Variants in PATJ observed in about 807,000 individuals in gnomAD.
PATJ encodes the protein PATJ crumbs cell polarity complex component.
Under a neutral mutation model 224.9 loss-of-function variants are expected in PATJ, and 190 were observed. That is an observed-to-expected ratio of 0.84 (90% confidence interval 0.75 to 0.95). The LOEUF is 0.95. PATJ is among the 40% of genes least tolerant of loss of function. The pLI is 0.00. For missense variants in PATJ, 2,121 were observed against 2,270.3 expected (o/e 0.93, Z 1.34); for synonymous variants, 769 against 820.3 (o/e 0.94, Z 1.07).
At chr1:62,099,148 C>T (rs527522847) in intron 33 of PATJ, among the ~76,000 whole-genome samples, 13 of 152,150 alleles carry the variant, frequency 8.5e-5, no homozygotes, top group South Asian at 8.3e-4. Flanking sequence ...CGTTGGTTTA[C>T]GGCTTTCCTG....
intron 27 of PATJ, chr1:61,952,160 T>C (rs2149388323): frequency 2.1e-6 from 1 of 471,308 alleles, no homozygotes; most frequent in East Asian, 3.0e-5. Flanking sequence ...CAGAGGTGAC[T>C]GTTTAGCTTG....
chr1:61,788,012 T>G (rs767781690), intron 8 of PATJ, 40 bp downstream of exon 8: 1 of 1,483,384 alleles, frequency 6.7e-7, no homozygotes, highest in Non-Finnish European at 9.4e-7. Context: ...AACCAAAGCC[T>G]GGGTGTGACA....
At chr1:61,778,695 C>T (rs1647071377) in intron 7 of PATJ, among the ~76,000 whole-genome samples, 1 of 151,274 alleles carries the variant, frequency 6.6e-6, no homozygotes, top group African/African-American at 2.4e-5. Flanking sequence ...CCCACTCTTA[C>T]TAATATATAT....
chr1:61,901,572 T>C, intron 24 of PATJ, 113 bp downstream of exon 24: 1 of 702,870 alleles, frequency 1.4e-6, no homozygotes, highest in Non-Finnish European at 2.3e-6. Flanking sequence ...GTACAGTTGG[T>C]GTGCTCTATT....
intron 27 of PATJ, among the ~76,000 whole-genome samples, chr1:61,934,978 C>G (rs1323462931): frequency 6.6e-6 from 1 of 152,212 alleles, no homozygotes; most frequent in Non-Finnish European, 1.5e-5. Context: ...TATCTAAAAG[C>G]TTCAGTCTCC....
intron 17 of PATJ, among the ~76,000 whole-genome samples, chr1:61,848,895 G>A (rs951508208): frequency 3.3e-5 from 5 of 152,152 alleles, no homozygotes; most frequent in East Asian, 1.9e-4. Flanking sequence ...GCTACCTGCT[G>A]TTTCATAGTT....
At chr1:61,793,463 G>C (rs1650324053) in intron 9 of PATJ, among the ~76,000 whole-genome samples, 1 of 152,150 alleles carries the variant, frequency 6.6e-6, no homozygotes, top group Non-Finnish European at 1.5e-5. Context: ...GCTGCGGACT[G>C]GGCTTGGTGG....
rs1447046380 is a variant in PATJ at position 61,901,277 on chromosome 1, T to C, written c.3204-5T>C. On this transcript the variant is annotated splice_polypyrimidine_tract_variant and splice_region_variant and intron_variant, in intron 23 of 43. Coordinates refer to ENST00000642238, the MANE Select transcript of PATJ (RefSeq NM_001350145.3). ...GAGTGAGTTTTGTTTTTTTCCTTTA[T>C]ATAGTGTTGAGATTTTTAGAGAACC... 1.3e-6 allele frequency: 2 copies of C among 1,514,102 alleles called. No individual in the cohort carries two copies. The highest frequency in any genetic ancestry group is 1.8e-6 in the Non-Finnish European group (2 of 1,140,058). The allele number at this position is 1,514,102 out of a possible 1,614,324, so 93.8% of individuals were successfully genotyped here.
intron 27 of PATJ, among the ~76,000 whole-genome samples, chr1:61,939,317 T>A (rs933518345): frequency 2.1e-5 from 3 of 142,484 alleles, no homozygotes; most frequent in Non-Finnish European, 4.5e-5. Context: ...AACTTTGCAT[T>A]CACACACACA....
intron 33 of PATJ, among the ~76,000 whole-genome samples, chr1:62,088,947 A>G (rs1660379962): frequency 6.6e-6 from 1 of 151,300 alleles, no homozygotes; most frequent in African/African-American, 2.4e-5. Context: ...GCGTGTTTCC[A>G]CACTTTCCCG....
chr1:61,983,898 C>T (rs1644589253), intron 27 of PATJ, among the ~76,000 whole-genome samples: 1 of 151,776 alleles, frequency 6.6e-6, no homozygotes, highest in Admixed American at 6.6e-5. Context: ...GACTGTGGCT[C>T]AGTGCAGCCT....
At chr1:61,897,490 T>C (rs1381111177) in intron 22 of PATJ, among the ~76,000 whole-genome samples, 3 of 152,240 alleles carry the variant, frequency 2.0e-5, no homozygotes, top group African/African-American at 7.2e-5. Context: ...TCTGCTCTGC[T>C]GCCATTAATG....
intron 27 of PATJ, among the ~76,000 whole-genome samples, chr1:61,972,874 A>T (rs12738576): frequency 1.3e-5 from 2 of 151,672 alleles, no homozygotes; most frequent in Admixed American, 6.6e-5. Flanking sequence ...CCATGTACCT[A>T]TTAGTGAAGC....
At chr1:62,132,766 T>C (rs1258465057) in intron 41 of PATJ, among the ~76,000 whole-genome samples, 1 of 151,966 alleles carries the variant, frequency 6.6e-6, no homozygotes, top group Non-Finnish European at 1.5e-5. Context: ...TAGTCGTGCA[T>C]AGTGGCATGC....
intron 43 of PATJ, among the ~76,000 whole-genome samples, chr1:62,159,053 C>T (rs1353228632): frequency 6.6e-6 from 1 of 152,100 alleles, no homozygotes; most frequent in Non-Finnish European, 1.5e-5. Flanking sequence ...TTACTGAAGC[C>T]CTTAAATCTT....
intron 7 of PATJ, among the ~76,000 whole-genome samples, chr1:61,784,882 G>A (rs1270494709): frequency 6.6e-6 from 1 of 151,936 alleles, no homozygotes; most frequent in Non-Finnish European, 1.5e-5. Flanking sequence ...TGTCCTCCTT[G>A]CCTCTGTTTC....
At chr1:62,051,121 A>G in intron 31 of PATJ, 63 bp downstream of exon 31, 1 of 1,234,056 alleles carries the variant, frequency 8.1e-7, no homozygotes, top group South Asian at 1.3e-5. Context: ...TATATTTTGT[A>G]CCACCTTGGA....
intron 20 of PATJ, among the ~76,000 whole-genome samples, chr1:61,874,177 TTTA>T (rs1326208659): frequency 2.0e-5 from 1 of 50,878 alleles, no homozygotes; most frequent in South Asian, 5.0e-4. Context: ...GCCTATTTTA[TTTA>T]TTTATTTATT....
At position 61,775,091 on chromosome 1, in the gene PATJ, T is replaced by C. The variant is rs1035769877; in HGVS notation, c.721-115T>C. 2.8e-6 allele frequency: 3 copies of C among 1,066,046 alleles called. No individual in the cohort carries two copies. The African/African-American group carries it at 4.8e-5, about 17-fold the overall frequency. 66.0% of individuals were successfully genotyped at this position (1,066,046 alleles called of 1,614,324 possible). On this transcript the variant is annotated intron_variant, in intron 6 of 43. Transcript: ENST00000642238. ...GCCTGTAGAACATTGCCTTGATTAA[T>C]TGCATGAATGTTCAATTTGTTGCAA...
Sources: allele counts gnomAD v4.1 joint callset (sites outside exome capture counted in the v4.1 genomes callset), GRCh38; gene constraint gnomAD v4.1.1; transcripts MANE v1.5; gene names NCBI Gene and HGNC (gene_info 2026-07-23, HGNC 2026-07-21).